Variants in ADGRL1 observed in about 807,000 individuals in gnomAD.
ADGRL1 encodes adhesion G protein-coupled receptor L1.
A neutral mutation model predicts 148.9 loss-of-function variants in ADGRL1; 31 were observed. The ratio of observed to expected loss-of-function variants is 0.21; its 90% CI spans 0.16 to 0.28. The LOEUF (loss-of-function observed/expected upper bound fraction) is 0.28, where lower values mean the gene tolerates loss of function less well. Among genes scored for constraint, ADGRL1 ranks in the 10% least tolerant of loss-of-function variants. The pLI is 1.00. For synonymous variants in ADGRL1, 937 were observed against 900.3 expected, an observed-to-expected ratio of 1.04 and a Z score of -0.73; for missense variants, 1,521 against 2,058.8, an observed-to-expected ratio of 0.74 and a Z score of 5.05.
Position 14,158,329 on chromosome 19 carries a change from T to G in ADGRL1, c.2364+9A>C. 6.2e-7 allele frequency: 1 copy of G among 1,612,684 alleles called. No individual in the cohort carries two copies. Among genetic ancestry groups the G allele is most frequent in the Non-Finnish European group, 8.5e-7 (1 of 1,179,654 alleles). On this transcript the variant is annotated intron_variant, in intron 12 of 22. Transcript: ENST00000361434. ...ACCCCCATGGAGGGAGGGGGACGGC[T>G]CAGCTCACCTCCAGGTGGGCCACGG...
In ADGRL1 at chr19:14,155,911, A is replaced by G; in HGVS notation, c.3125+199T>C. 1.7e-6 allele frequency: 1 copy of G among 595,666 alleles called. No homozygotes were observed. Among genetic ancestry groups the G allele is most frequent in the Non-Finnish European group, 3.0e-6 (1 of 332,374 alleles). The allele number at this position is 595,666 out of a possible 1,614,324, so 36.9% of individuals were successfully genotyped here. On this transcript the variant is annotated intron_variant, in intron 17 of 22. Transcript: ENST00000361434. The surrounding 1 kb of genome is among the most constrained non-coding windows in gnomAD (Gnocchi z 5.0). ...CGATGCCCCTAAAACCACAGGTTGG[A>G]CGTGCTAATGATACGCTATCTAAGA...
chr19:14,156,742 C>T lies in ADGRL1; in HGVS notation c.2967-18G>A. On this transcript the variant is annotated intron_variant, in intron 15 of 22. Coordinates refer to ENST00000361434, the MANE Select transcript of ADGRL1 (RefSeq NM_014921.5). ...GCCAGCAGCTGTAAAGGAAACAGGGCCGGGGTATAGAGAGAAGCCGAGGAG... is the reference window on the plus strand; with the variant it reads ...GCCAGCAGCTGTAAAGGAAACAGGGTCGGGGTATAGAGAGAAGCCGAGGAG... The T allele has an allele frequency of 1.9e-6, 3 of 1,603,702 alleles. No individual in the cohort carries two copies. Among genetic ancestry groups the T allele is most frequent in the Non-Finnish European group, 2.6e-6 (3 of 1,175,156 alleles).
chr19:14,175,697 CTTAGTCACAATCACACACAT>C (rs922877489), intron 3 of ADGRL1, among the ~76,000 whole-genome samples: 56 of 149,586 alleles, frequency 3.7e-4, no homozygotes, highest in African/African-American at 1.1e-3. Flanking sequence ...CACAGACACA[CTTAGTCACAATCACACACAT>C]TTAGTCACAC....
intron 1 of ADGRL1, among the ~76,000 whole-genome samples, chr19:14,184,418 T>C (rs2145039491): frequency 6.6e-6 from 1 of 151,500 alleles, no homozygotes; most frequent in East Asian, 1.9e-4. Flanking sequence ...GGCTCAGTTT[T>C]TTTTTTCATT....
In ADGRL1 at chr19:14,151,332, C is replaced by T. The variant is rs182445632; in HGVS notation, c.3951G>A (p.Ala1317=). The change falls in exon 23 of 23, where the codon GCG becomes GCA. Residue 1317 remains alanine (A), a synonymous_variant. Coordinates refer to ENST00000361434, the MANE Select transcript of ADGRL1 (RefSeq NM_014921.5). ...PVPGGGGEEE[A]GGPGGADRAE... ...CCCGGTCAGCACCCCCGGGCCCGCC[C>T]GCCTCTTCCTCGCCCCCGCCCCCTG... 2.1e-5 allele frequency: 33 copies of T among 1,600,126 alleles called. No individual in the cohort carries two copies. In the East Asian group the frequency reaches 2.7e-4, roughly 13 times the overall value.
intron 4 of ADGRL1, among the ~76,000 whole-genome samples, chr19:14,166,851 C>G (rs978395365): frequency 3.9e-5 from 6 of 151,984 alleles, no homozygotes; most frequent in African/African-American, 1.5e-4. Flanking sequence ...CGTGGCCGCA[C>G]CAGGGCTGGT....
chr19:14,154,700 G>A (rs1968548841), intron 18 of ADGRL1, among the ~76,000 whole-genome samples: 2 of 152,046 alleles, frequency 1.3e-5, no homozygotes, highest in Non-Finnish European at 2.9e-5. Context: ...TCTGCCTTTG[G>A]GGTTCAAGCA....
chr19:14,205,524 C>T (rs1212815777), intron 1 of ADGRL1, among the ~76,000 whole-genome samples: 1 of 151,934 alleles, frequency 6.6e-6, no homozygotes, highest in Non-Finnish European at 1.5e-5. Context: ...GCGGGGCCGG[C>T]GCGCGGCGCG....
rs959844408 is a variant in ADGRL1 at position 14,161,798 on chromosome 19, C to A, written c.1196-172G>T. ...TCTCCCCTGGCCGCTCTGTGCCCAC[C>A]AAAGTCCCTTATGCCCATGGGCCCA... On this transcript the variant is annotated intron_variant, in intron 5 of 22. Coordinates refer to ENST00000361434, the MANE Select transcript of ADGRL1 (RefSeq NM_014921.5). This position sits in a 1 kb window ranked among gnomAD's most constrained non-coding sequence, Gnocchi z 4.4. Among the ~76,000 whole-genome samples the A allele has an allele frequency of 1.4e-4, 22 of 152,160 alleles. No homozygotes were observed. The highest frequency in any genetic ancestry group is 5.3e-4 in the African/African-American group (22 of 41,422).
rs1222496590 is a variant in ADGRL1, at chr19:14,162,907, C to T, written c.894G>A (p.Glu298=). 1 of 1,613,634 alleles carries T rather than the reference C, an allele frequency of 6.2e-7. No individual in the cohort carries two copies. The highest frequency in any genetic ancestry group is 8.5e-7 in the Non-Finnish European group (1 of 1,179,862). The change falls in exon 5 of 23, where the codon GAG becomes GAA. Residue 298 remains glutamate (E), a synonymous_variant. Transcript: ENST00000361434. This position sits in a 1 kb window ranked among gnomAD's most constrained non-coding sequence, Gnocchi z 5.4. ...SQLNPYTLRF[E]GTWETGYDKR... is the part of the protein sequence containing the mutation. ...TGTCGTAACCCGTCTCCCACGTGCC[C>T]TCAAAGCGCAGTGTGTAGGGGTTCA...
chr19:14,151,052 G>T lies in ADGRL1; in HGVS notation c.4231C>A (p.Pro1411Thr), dbSNP rs1021613289. 53 of 1,494,380 alleles carry T rather than the reference G, an allele frequency of 3.5e-5. No homozygotes were observed. Among genetic ancestry groups the T allele is most frequent in the Non-Finnish European group, 4.6e-5 (51 of 1,119,132 alleles). The allele number at this position is 1,494,380 out of a possible 1,614,324, so 92.6% of individuals were successfully genotyped here. A position where few individuals can be genotyped will look rare whatever the true frequency, so the allele number is the denominator to read the frequency against. Residue 1411 changes from proline (P) to threonine (T), a missense_variant, in exon 23 of 23, where the codon CCC (proline) becomes ACC (threonine). Around this residue, in one of 8 missense-constraint regions of ADGRL1, gnomAD observed 390 missense variants for 375.0 expected, o/e 1.04. Coordinates refer to ENST00000361434, the MANE Select transcript of ADGRL1 (RefSeq NM_014921.5). ...SEALPPPPPAPPGPPEIYYTS... is the reference protein window; with the variant it reads ...SEALPPPPPATPGPPEIYYTS... ...TAGTAGATTTCGGGGGGGCCGGGGG[G>T]TGCGGGAGGGGGTGGGGGCAGGGCC...
At chr19:14,176,252 G>A (rs193029803) in intron 3 of ADGRL1, among the ~76,000 whole-genome samples, 1 of 152,194 alleles carries the variant, frequency 6.6e-6, no homozygotes, top group Non-Finnish European at 1.5e-5. Flanking sequence ...TCGGGAGGCT[G>A]AGGCAGGAGA....
intron 2 of ADGRL1, among the ~76,000 whole-genome samples, chr19:14,181,390 C>T (rs1971181679): frequency 6.6e-6 from 1 of 152,184 alleles, no homozygotes; most frequent in Non-Finnish European, 1.5e-5. Context: ...GCCTGCAGGG[C>T]TATGTGCCAA....
At chr19:14,173,808 G>A (rs1293469806) in intron 3 of ADGRL1, among the ~76,000 whole-genome samples, 3 of 151,926 alleles carry the variant, frequency 2.0e-5, no homozygotes, top group Admixed American at 6.6e-5. Context: ...TTAGCCGGGC[G>A]TGGTGGTGCA....
intron 4 of ADGRL1, chr19:14,166,954 A>C: frequency 6.4e-7 from 1 of 1,565,830 alleles, no homozygotes; most frequent in Non-Finnish European, 8.8e-7. Flanking sequence ...CAGGTCACAT[A>C]AGTATGGTAC....
chr19:14,161,963 A>G lies in ADGRL1; in HGVS notation c.1196-337T>C, dbSNP rs537744384. Among the ~76,000 whole-genome samples, 24 of 152,152 alleles carry G rather than the reference A, an allele frequency of 1.6e-4. No homozygotes were observed. Among genetic ancestry groups the G allele is most frequent in the Non-Finnish European group, 2.5e-4 (17 of 67,992 alleles). Reference sequence around the variant, plus strand: ...AGCCCGAGGGCAGGAGCCCTCCCCAATCCAGGTCAGCCCCGCCACCAGGTG... The same window carrying G: ...AGCCCGAGGGCAGGAGCCCTCCCCAGTCCAGGTCAGCCCCGCCACCAGGTG... On this transcript the variant is annotated intron_variant, in intron 5 of 22. Transcript: ENST00000361434. The surrounding 1 kb of genome is among the most constrained non-coding windows in gnomAD (Gnocchi z 4.4).
At position 14,151,486 on chromosome 19, in the gene ADGRL1, C is replaced by T; in HGVS notation, c.3797G>A (p.Gly1266Asp). 1 of 1,611,864 alleles carries T rather than the reference C, an allele frequency of 6.2e-7. No homozygotes were observed. The highest frequency in any genetic ancestry group is 8.5e-7 in the Non-Finnish European group (1 of 1,179,212). ...GGCCGCCGCATCGGCTAGGTTCCGG[C>T]CTCGGGGCGGCTCAGGGCCCCCATC... Reference protein sequence around the residue: ...PGDGGPEPPRGRNLADAAAFE... With the variant: ...PGDGGPEPPRDRNLADAAAFE... Residue 1266 changes from glycine to aspartate, a missense_variant, in exon 23 of 23, where the codon GGC (glycine) becomes GAC (aspartate). This residue lies in a region of ADGRL1 where 390 missense variants were observed against 375.0 expected (regional missense o/e 1.04). Transcript: ENST00000361434.
At chr19:14,166,874 A>G in intron 4 of ADGRL1, 4 of 846,980 alleles carry the variant, frequency 4.7e-6, no homozygotes, top group Non-Finnish European at 6.0e-6. Flanking sequence ...CACTGGGAGG[A>G]CAACCCAGGG....
intron 1 of ADGRL1, among the ~76,000 whole-genome samples, chr19:14,203,342 G>A (rs1375030942): frequency 1.3e-5 from 2 of 152,146 alleles, no homozygotes; most frequent in African/African-American, 4.8e-5. Flanking sequence ...GGGCAAAGAC[G>A]ATGCTCTGGC....
Sources: allele counts gnomAD v4.1 joint callset (sites outside exome capture counted in the v4.1 genomes callset), GRCh38; gene constraint gnomAD v4.1.1; regional missense constraint gnomAD v4.1.1; non-coding constraint Gnocchi (gnomAD v3.1); transcripts MANE v1.5; gene names NCBI Gene and HGNC (gene_info 2026-07-23, HGNC 2026-07-21).